The following PTPRD variants were observed in gnomAD, a reference collection of about 807,000 sequenced individuals.
PTPRD encodes the protein receptor-type tyrosine-protein phosphatase delta.
In PTPRD, 34 loss-of-function variants were observed where a neutral mutation model predicts 214.5. The observed-to-expected ratio is 0.16, with a 90% CI of 0.12 to 0.21. The LOEUF (loss-of-function observed/expected upper bound fraction) is 0.21. Ranked by LOEUF, PTPRD falls within the 10% of genes least tolerant of loss-of-function variation. The probability of loss-of-function intolerance (pLI) is 1.00; values close to 1 mark genes in which losing one functional copy is unlikely to be tolerated. For synonymous variants in PTPRD, 1,128 were observed against 845.7 expected, an observed-to-expected ratio of 1.33 and a Z score of -5.79; for missense variants, 2,545 against 2,398.7, an observed-to-expected ratio of 1.06 and a Z score of -1.27.
intron 9 of PTPRD, among the ~76,000 whole-genome samples, chr9:9,279,046 A>T (rs1015041066): frequency 1.3e-5 from 2 of 151,124 alleles, no homozygotes; most frequent in South Asian, 2.1e-4. Context: ...AGTCAAGGGG[A>T]TATATCATAT....
chr9:10,060,867 TC>T (rs2097758517), intron 3 of PTPRD, among the ~76,000 whole-genome samples: 1 of 91,922 alleles, frequency 1.1e-5, no homozygotes, highest in Non-Finnish European at 1.8e-5. Flanking sequence ...CTTCCTTCCT[TC>T]TTTCCTTCCT....
chr9:8,405,090 C>T (rs1268844079), intron 35 of PTPRD, among the ~76,000 whole-genome samples: 2 of 152,178 alleles, frequency 1.3e-5, no homozygotes, highest in Non-Finnish European at 2.9e-5. Flanking sequence ...TGGTCTTTCA[C>T]TGGCTTCAAT....
intron 12 of PTPRD, among the ~76,000 whole-genome samples, chr9:8,664,520 T>A (rs777852390): frequency 4.6e-5 from 7 of 152,180 alleles, no homozygotes; most frequent in Non-Finnish European, 1.0e-4. Flanking sequence ...AGCCTTTATA[T>A]AGTACTCCCT....
At chr9:10,306,317 T>A (rs1483575396) in intron 3 of PTPRD, among the ~76,000 whole-genome samples, 7 of 151,914 alleles carry the variant, frequency 4.6e-5, no homozygotes, top group Admixed American at 3.3e-4. Flanking sequence ...GAGAAACACC[T>A]AATGTAGATT....
At chr9:9,772,746 G>A (rs78775742) in intron 5 of PTPRD, among the ~76,000 whole-genome samples, 1 of 144,586 alleles carries the variant, frequency 6.9e-6, no homozygotes, top group East Asian at 3.6e-4. Flanking sequence ...GTAATGAGCA[G>A]GTGTGATAAA....
At chr9:9,245,269 C>T (rs2099972476) in intron 9 of PTPRD, among the ~76,000 whole-genome samples, 4 of 151,346 alleles carry the variant, frequency 2.6e-5, no homozygotes, top group Admixed American at 2.6e-4. Context: ...CCATTTGACC[C>T]AGCCATGCCA....
chr9:10,196,669 G>A (rs1193504681), intron 3 of PTPRD, among the ~76,000 whole-genome samples: 2 of 152,122 alleles, frequency 1.3e-5, no homozygotes, highest in African/African-American at 4.8e-5. Context: ...CCTACAGTCT[G>A]AATATAATAC....
At chr9:9,070,451 T>C (rs2099742127) in intron 10 of PTPRD, among the ~76,000 whole-genome samples, 1 of 152,180 alleles carries the variant, frequency 6.6e-6, no homozygotes, top group African/African-American at 2.4e-5. Flanking sequence ...AGACTTTAAG[T>C]TGACCCATTC....
At chr9:8,642,177 T>G (rs72698284) in intron 12 of PTPRD, among the ~76,000 whole-genome samples, 1 of 152,036 alleles carries the variant, frequency 6.6e-6, no homozygotes, top group Non-Finnish European at 1.5e-5. Context: ...AACAGATTCA[T>G]AGAAAGGATC....
rs142863651 is a variant in PTPRD at position 9,649,180 on chromosome 9, G to A, written c.-286-74399C>T. ...CCATATATCAGTAATTTTCTAGGAG[G>A]CTCCTCATTTCATACATTCTGACCC... On this transcript the variant is annotated intron_variant, in intron 7 of 45. Transcript: ENST00000381196. 1.1e-4 allele frequency among the ~76,000 whole-genome samples: 17 copies of A among 152,210 alleles called. No homozygotes were observed. The South Asian group carries it at 2.7e-3, about 24-fold the overall frequency.
At chr9:10,317,010 C>T (rs1188653848) in intron 3 of PTPRD, among the ~76,000 whole-genome samples, 1 of 151,868 alleles carries the variant, frequency 6.6e-6, no homozygotes, top group African/African-American at 2.4e-5. Context: ...ACAAAGCAAG[C>T]AATTCTATTT....
chr9:10,287,053 T>C (rs963717419), intron 3 of PTPRD, among the ~76,000 whole-genome samples: 3 of 152,134 alleles, frequency 2.0e-5, no homozygotes, highest in Non-Finnish European at 2.9e-5. Flanking sequence ...AAAGAGAAGA[T>C]AGAAAACATT....
At chr9:9,669,029 G>A (rs1263545730) in intron 7 of PTPRD, among the ~76,000 whole-genome samples, 1 of 152,062 alleles carries the variant, frequency 6.6e-6, no homozygotes, top group Non-Finnish European at 1.5e-5. Flanking sequence ...TGGCAACAAA[G>A]GGTAATTTTT....
At chr9:9,667,810 G>T (rs2096752119) in intron 7 of PTPRD, among the ~76,000 whole-genome samples, 1 of 152,160 alleles carries the variant, frequency 6.6e-6, no homozygotes, top group Admixed American at 6.6e-5. Flanking sequence ...GGTCTGTAGG[G>T]TAGGACAGGG....
chr9:8,516,968 T>C (rs2097792159), intron 21 of PTPRD, among the ~76,000 whole-genome samples: 1 of 151,894 alleles, frequency 6.6e-6, no homozygotes, highest in South Asian at 2.1e-4. Context: ...CCTGCTACCA[T>C]GCCCAGCTAA....
chr9:8,820,854 A>C (rs989760180), intron 11 of PTPRD, among the ~76,000 whole-genome samples: 4 of 149,780 alleles, frequency 2.7e-5, no homozygotes, highest in African/African-American at 9.9e-5. Context: ...TTAATGGTGA[A>C]AGTTCTTTTC....
At chr9:10,321,045 G>A (rs778781093) in intron 3 of PTPRD, among the ~76,000 whole-genome samples, 2 of 152,128 alleles carry the variant, frequency 1.3e-5, no homozygotes, top group Non-Finnish European at 2.9e-5. Context: ...TTCATGAAAT[G>A]TGTGTAGAGT....
chr9:9,011,160 C>T lies in PTPRD; in HGVS notation c.-104+7537G>A, dbSNP rs968901979. Among the ~76,000 whole-genome samples, 10 of 152,030 alleles carry T rather than the reference C, an allele frequency of 6.6e-5. 1 individual carries two copies. The highest frequency in any genetic ancestry group is 6.6e-4 in the Admixed American group (10 of 15,260). ...CTCAGAAATAGTATCTGTTTTTGAACTCCAGGAAGATACAAAAGTGGGGGG... is the reference window on the plus strand; with the variant it reads ...CTCAGAAATAGTATCTGTTTTTGAATTCCAGGAAGATACAAAAGTGGGGGG... On this transcript the variant is annotated intron_variant, in intron 11 of 45. Coordinates refer to ENST00000381196, the MANE Select transcript of PTPRD (RefSeq NM_002839.4).
intron 9 of PTPRD, among the ~76,000 whole-genome samples, chr9:9,283,732 G>T (rs11794583): frequency 0.073 from 11,132 of 151,528 alleles, 458 homozygotes; most frequent in Middle Eastern, 0.17. Context: ...ACCATGAAAT[G>T]AGTCTTGCTG....
Sources: allele counts gnomAD v4.1 joint callset (sites outside exome capture counted in the v4.1 genomes callset), GRCh38; gene constraint gnomAD v4.1.1; transcripts MANE v1.5; gene names NCBI Gene and HGNC (gene_info 2026-07-23, HGNC 2026-07-21).